ESRRG: variants seen among roughly 807,000 people sequenced by gnomAD.
ESRRG encodes the protein estrogen-related receptor gamma.
Under a neutral mutation model 44.0 loss-of-function variants are expected in ESRRG, and 13 were observed. The observed-to-expected ratio is 0.30, with a 90% CI of 0.19 to 0.47. ESRRG has a LOEUF of 0.47. ESRRG is among the 20% of genes least tolerant of loss of function. The pLI is 1.00. For missense variants in ESRRG, 395 were observed against 580.6 expected, an observed-to-expected ratio of 0.68 and a Z score of 3.29; for synonymous variants, 215 against 214.6, an observed-to-expected ratio of 1.00 and a Z score of -0.02.
At chr1:217,062,947 C>A (rs2088860616) in intron 1 of ESRRG, among the ~76,000 whole-genome samples, 1 of 152,168 alleles carries the variant, frequency 6.6e-6, no homozygotes, top group South Asian at 2.1e-4. Context: ...GCTACTTCAT[C>A]AGCTCTTAAT....
At chr1:216,755,281 A>G (rs536989191) in intron 2 of ESRRG, among the ~76,000 whole-genome samples, 2 of 152,140 alleles carry the variant, frequency 1.3e-5, no homozygotes, top group East Asian at 3.9e-4. Flanking sequence ...GTAGCAAATT[A>G]CATGATTTGC....
chr1:216,509,475 A>T (rs1259811779), intron 6 of ESRRG, among the ~76,000 whole-genome samples: 1 of 152,160 alleles, frequency 6.6e-6, no homozygotes, highest in Non-Finnish European at 1.5e-5. Context: ...TCTACATGGC[A>T]TATCTTTAAG....
chr1:216,810,305 G>T (rs1352265364), intron 2 of ESRRG, among the ~76,000 whole-genome samples: 2 of 151,986 alleles, frequency 1.3e-5, no homozygotes, highest in Non-Finnish European at 2.9e-5. Flanking sequence ...CTTACAACCT[G>T]CTTATCTATG....
chr1:216,626,676 TC>T (rs2063243488), intron 3 of ESRRG, among the ~76,000 whole-genome samples: 1 of 152,164 alleles, frequency 6.6e-6, no homozygotes, highest in Non-Finnish European at 1.5e-5. Context: ...TCTTACTACC[TC>T]CCCACTCTGT....
At chr1:216,955,033 A>G (rs1395355750) in intron 1 of ESRRG, among the ~76,000 whole-genome samples, 1 of 152,084 alleles carries the variant, frequency 6.6e-6, no homozygotes, top group Non-Finnish European at 1.5e-5. Flanking sequence ...ACCATTTATC[A>G]CTTCTTTGCA....
intron 1 of ESRRG, among the ~76,000 whole-genome samples, chr1:217,049,153 C>A (rs2085438364): frequency 6.6e-6 from 1 of 152,176 alleles, no homozygotes; most frequent in Non-Finnish European, 1.5e-5. Flanking sequence ...AAATTCTATT[C>A]ATCATTCAGG....
chr1:216,636,969 C>T (rs1177640268), intron 3 of ESRRG, among the ~76,000 whole-genome samples: 2 of 152,208 alleles, frequency 1.3e-5, no homozygotes, highest in Non-Finnish European at 2.9e-5. Flanking sequence ...TATTTTTCTA[C>T]ACTATCCCCT....
chr1:216,534,218 A>AT (rs1454657355), intron 5 of ESRRG, among the ~76,000 whole-genome samples: 2 of 152,102 alleles, frequency 1.3e-5, no homozygotes. Flanking sequence ...AATGGGGTGG[A>AT]TTTTATAAAA....
intron 4 of ESRRG, among the ~76,000 whole-genome samples, chr1:216,566,797 A>C (rs1225663953): frequency 6.6e-6 from 1 of 152,242 alleles, no homozygotes; most frequent in Non-Finnish European, 1.5e-5. Context: ...CAGATTGGAC[A>C]ATTGAAGGTA....
chr1:217,002,327 A>G (rs892391567), intron 1 of ESRRG, among the ~76,000 whole-genome samples: 1 of 146,074 alleles, frequency 6.8e-6, no homozygotes, highest in Non-Finnish European at 1.5e-5. Context: ...AAGAAAGAAA[A>G]AAAAAAAAGA....
chr1:217,033,256 C>T (rs1032430516), intron 1 of ESRRG, among the ~76,000 whole-genome samples: 8 of 152,166 alleles, frequency 5.3e-5, no homozygotes, highest in Non-Finnish European at 4.4e-5. Context: ...CACCTGTCCC[C>T]TTTTTGTGCA....
At chr1:217,067,307 A>C (rs61816732) in intron 1 of ESRRG, among the ~76,000 whole-genome samples, 17 of 152,264 alleles carry the variant, frequency 1.1e-4, no homozygotes, top group African/African-American at 4.1e-4. Flanking sequence ...ATTGATTATT[A>C]AATAATCCAA....
intron 5 of ESRRG, among the ~76,000 whole-genome samples, chr1:216,559,576 A>C (rs1040901747): frequency 2.6e-5 from 4 of 152,244 alleles, no homozygotes; most frequent in African/African-American, 9.6e-5. Flanking sequence ...TGTCCTGTAC[A>C]TCAAACCTTA....
chr1:216,621,478 T>C (rs1328179753), intron 3 of ESRRG, among the ~76,000 whole-genome samples: 1 of 152,138 alleles, frequency 6.6e-6, no homozygotes, highest in Non-Finnish European at 1.5e-5. Flanking sequence ...TTAGCCCACA[T>C]GTGTTGGGTA....
chr1:216,760,648 G>C (rs73093972), intron 2 of ESRRG, among the ~76,000 whole-genome samples: 30 of 152,126 alleles, frequency 2.0e-4, no homozygotes, highest in African/African-American at 6.7e-4. Context: ...GGGAATAAAG[G>C]ACATTTTGAA....
intron 2 of ESRRG, among the ~76,000 whole-genome samples, chr1:216,883,372 C>T (rs949706548): frequency 4.5e-5 from 5 of 111,998 alleles, no homozygotes; most frequent in African/African-American, 1.7e-4. Context: ...GGGACAAGAG[C>T]GAGACTTCTC....
Position 216,770,480 on chromosome 1 carries a change from G to T in ESRRG, c.-13-92989C>A, listed in dbSNP as rs553949362. Among the ~76,000 whole-genome samples, 16 of 152,158 alleles carry T rather than the reference G, an allele frequency of 1.1e-4. No individual in the cohort carries two copies. The South Asian group carries it at 3.1e-3, about 30-fold the overall frequency. On this transcript the variant is annotated intron_variant, in intron 2 of 7. Transcript: ENST00000359162. ...CCTTTTAGCATTGGGAGATAGATCA[G>T]ATATTTCTTTTTGCTCTCCACCTAA...
chr1:216,937,278 C>T (rs1014680298), intron 2 of ESRRG, among the ~76,000 whole-genome samples: 3 of 152,024 alleles, frequency 2.0e-5, no homozygotes, highest in Non-Finnish European at 4.4e-5. Context: ...TATTCTGTCT[C>T]GTTTTGCCAA....
intron 2 of ESRRG, among the ~76,000 whole-genome samples, chr1:216,861,813 C>A (rs1468025474): frequency 1.3e-5 from 2 of 151,882 alleles, no homozygotes; most frequent in South Asian, 2.1e-4. Flanking sequence ...AGGTTTATAT[C>A]TAGAATACAG....
Sources: gnomAD v4.1 joint callset for allele counts (sites outside exome capture counted in the v4.1 genomes callset) on GRCh38, gnomAD v4.1.1 for gene constraint, MANE v1.5 for transcripts, NCBI Gene and HGNC (gene_info 2026-07-23, HGNC 2026-07-21) for gene names.